The following DACH1 variants were observed in gnomAD, a reference collection of about 807,000 sequenced individuals.
DACH1 encodes dachshund family transcription factor 1.
DACH1 carries 12 observed loss-of-function variants against 54.2 expected under a neutral mutation model. That is an observed-to-expected ratio of 0.22 (90% confidence interval 0.14 to 0.36). DACH1 has a LOEUF of 0.36. Ranked by LOEUF, DACH1 falls within the 10% of genes least tolerant of loss-of-function variation. DACH1 has a pLI of 1.00. For synonymous variants in DACH1, 386 were observed against 366.2 expected (o/e 1.05, Z -0.62); for missense variants, 805 against 929.8 (o/e 0.87, Z 1.75).
chr13:71,750,773 C>A (rs182654468), intron 1 of DACH1, among the ~76,000 whole-genome samples: 3 of 152,178 alleles, frequency 2.0e-5, no homozygotes, highest in Admixed American at 2.0e-4. Flanking sequence ...ATGATTCAAT[C>A]ATTACAATAA....
intron 6 of DACH1, among the ~76,000 whole-genome samples, chr13:71,509,978 A>G (rs1880646371): frequency 3.9e-5 from 6 of 152,050 alleles, no homozygotes; most frequent in Admixed American, 3.9e-4. Context: ...TACTTTTATC[A>G]AAGTTAACAG....
chr13:71,577,563 T>A (rs145106868), intron 3 of DACH1, among the ~76,000 whole-genome samples: 1 of 152,192 alleles, frequency 6.6e-6, no homozygotes, highest in African/African-American at 2.4e-5. Flanking sequence ...ATAAGCACAA[T>A]TGTTTTTTAC....
intron 1 of DACH1, among the ~76,000 whole-genome samples, chr13:71,784,068 A>G (rs1043025212): frequency 1.3e-5 from 2 of 151,980 alleles, no homozygotes; most frequent in Non-Finnish European, 2.9e-5. Context: ...TTTATGAAAT[A>G]GAGAGAGTAC....
intron 1 of DACH1, among the ~76,000 whole-genome samples, chr13:71,822,821 A>C (rs1888242639): frequency 6.6e-6 from 1 of 152,212 alleles, no homozygotes; most frequent in Non-Finnish European, 1.5e-5. Flanking sequence ...AAGAAACACA[A>C]AACAAGAAAC....
At chr13:71,740,317 AC>A (rs1190136117) in intron 1 of DACH1, among the ~76,000 whole-genome samples, 1 of 150,412 alleles carries the variant, frequency 6.6e-6, no homozygotes, top group East Asian at 1.9e-4. Context: ...CTAAAACAAA[AC>A]AAAAAAAAAA....
At chr13:71,706,337 G>A (rs1202152963) in intron 1 of DACH1, among the ~76,000 whole-genome samples, 1 of 151,664 alleles carries the variant, frequency 6.6e-6, no homozygotes, top group African/African-American at 2.4e-5. Flanking sequence ...GAAATCTATT[G>A]GGTAGCATAT....
At chr13:71,626,864 C>T (rs150851452) in intron 3 of DACH1, among the ~76,000 whole-genome samples, 2 of 152,096 alleles carry the variant, frequency 1.3e-5, no homozygotes, top group East Asian at 1.9e-4. Context: ...GAGATTTGTC[C>T]ATATGAACTG....
intron 1 of DACH1, among the ~76,000 whole-genome samples, chr13:71,842,569 C>A (rs992924084): frequency 6.6e-6 from 1 of 151,980 alleles, no homozygotes; most frequent in East Asian, 1.9e-4. Flanking sequence ...CAGAGTATGA[C>A]CCAGTCTGAT....
At chr13:71,535,318 A>C (rs1882696332) in intron 6 of DACH1, among the ~76,000 whole-genome samples, 1 of 151,912 alleles carries the variant, frequency 6.6e-6, no homozygotes, top group Non-Finnish European at 1.5e-5. Flanking sequence ...TTTTCTTTAC[A>C]AAATTTAAAA....
chr13:71,547,105 A>G (rs1201940226), intron 6 of DACH1, among the ~76,000 whole-genome samples: 2 of 152,084 alleles, frequency 1.3e-5, no homozygotes, highest in Admixed American at 6.6e-5. Flanking sequence ...CTTCAAACGA[A>G]AAAACTAAAC....
intron 1 of DACH1, among the ~76,000 whole-genome samples, chr13:71,719,261 CT>C (rs1335437292): frequency 6.6e-6 from 1 of 152,104 alleles, no homozygotes; most frequent in Admixed American, 6.5e-5. Context: ...GTAAATGAGC[CT>C]TTGTAGGCCA....
chr13:71,459,662 G>A (rs1240084331), intron 10 of DACH1, among the ~76,000 whole-genome samples: 1 of 151,804 alleles, frequency 6.6e-6, no homozygotes, highest in Non-Finnish European at 1.5e-5. Context: ...AAAGAAGAAA[G>A]AATCTAGTAT....
chr13:71,855,197 G>A (rs1172936584), intron 1 of DACH1, among the ~76,000 whole-genome samples: 2 of 151,928 alleles, frequency 1.3e-5, no homozygotes, highest in African/African-American at 2.4e-5. Flanking sequence ...TTTATTCAAT[G>A]TTAAGTGAGA....
At chr13:71,581,730 CATT>C (rs1450275454) in intron 3 of DACH1, among the ~76,000 whole-genome samples, 3 of 150,142 alleles carry the variant, frequency 2.0e-5, no homozygotes, top group Non-Finnish European at 4.4e-5. Context: ...TGTATAGTGG[CATT>C]ATTAAGGAGG....
intron 3 of DACH1, among the ~76,000 whole-genome samples, chr13:71,618,089 A>T (rs764653335): frequency 2.6e-5 from 4 of 152,128 alleles, no homozygotes; most frequent in African/African-American, 4.8e-5. Flanking sequence ...TTTACTAAAC[A>T]AGGTTTGGAA....
chr13:71,693,848 T>C (rs992181127), intron 1 of DACH1, among the ~76,000 whole-genome samples: 2 of 152,140 alleles, frequency 1.3e-5, no homozygotes, highest in African/African-American at 4.8e-5. Flanking sequence ...AAATACAGCA[T>C]ATATAAGGTT....
At chr13:71,835,711 T>C (rs1028280408) in intron 1 of DACH1, among the ~76,000 whole-genome samples, 1 of 152,084 alleles carries the variant, frequency 6.6e-6, no homozygotes, top group Non-Finnish European at 1.5e-5. Context: ...AAGAGTGTCC[T>C]AGTTCGGCTA....
rs527806357 is a variant in DACH1 at position 71,730,589 on chromosome 13, GTGTT to G, written c.849-48683_849-48680del. On this transcript the variant is annotated intron_variant, in intron 1 of 10. Coordinates refer to ENST00000613252, the MANE Select transcript of DACH1 (RefSeq NM_080759.6). ...ATATTGTGTGAGCATGTACATATGA[GTGTT>G]TGCACACACATACACACATATATGT... 4.1e-3 allele frequency among the ~76,000 whole-genome samples: 619 copies of G among 152,146 alleles called. 2 individuals are homozygous for G. Among genetic ancestry groups the G allele is most frequent in the African/African-American group, 0.014 (583 of 41,498 alleles).
chr13:71,594,168 T>C (rs148512852), intron 3 of DACH1, among the ~76,000 whole-genome samples: 146 of 151,644 alleles, frequency 9.6e-4, no homozygotes, highest in African/African-American at 3.3e-3. Flanking sequence ...ACATCTCTAA[T>C]ATAAAAAAAT....
Sources: gnomAD v4.1 joint callset for allele counts (sites outside exome capture counted in the v4.1 genomes callset) on GRCh38, gnomAD v4.1.1 for gene constraint, MANE v1.5 for transcripts, NCBI Gene and HGNC (gene_info 2026-07-23, HGNC 2026-07-21) for gene names.